The following GPC3 variants were observed in gnomAD, a reference collection of about 807,000 sequenced individuals.
The protein encoded by GPC3 is glypican 3.
A neutral mutation model predicts 34.4 loss-of-function variants in GPC3; 3 were observed. The observed-to-expected ratio is 0.09, with a 90% confidence interval of 0.04 to 0.23. GPC3 has a LOEUF of 0.23. GPC3 is among the 10% of genes least tolerant of loss of function. GPC3 has a pLI of 1.00. For synonymous variants in GPC3, 177 were observed against 174.0 expected, an observed-to-expected ratio of 1.02 and a Z score of -0.13; for missense variants, 351 against 445.6, an observed-to-expected ratio of 0.79 and a Z score of 1.91.
chrX:133,697,751 T>C (rs1603227770), intron 4 of GPC3, among the ~76,000 whole-genome samples: 1 of 112,613 alleles, frequency 8.9e-6, no homozygotes, highest in African/African-American at 3.2e-5. Context: ...GAATGACTTG[T>C]ACCAGATCCA....
chrX:133,923,245 G>C (rs1273758811), intron 2 of GPC3, among the ~76,000 whole-genome samples: 2 of 111,675 alleles, frequency 1.8e-5, no homozygotes, highest in African/African-American at 6.5e-5. Context: ...GTCAGGGAGA[G>C]GAGACAGGCT....
intron 2 of GPC3, among the ~76,000 whole-genome samples, chrX:133,768,587 T>G (rs2071876979): frequency 9.0e-6 from 1 of 111,368 alleles, no homozygotes; most frequent in Non-Finnish European, 1.9e-5. Flanking sequence ...GCAGCATTAT[T>G]CATAATAGCC....
intron 7 of GPC3, among the ~76,000 whole-genome samples, chrX:133,566,203 G>A: frequency 8.9e-6 from 1 of 111,910 alleles, no homozygotes; most frequent in Non-Finnish European, 1.9e-5. Context: ...AATGTGCACT[G>A]CTGGCCCATT....
intron 3 of GPC3, among the ~76,000 whole-genome samples, chrX:133,706,757 A>G (rs1272065420): frequency 1.3e-4 from 14 of 111,825 alleles, no homozygotes; most frequent in Non-Finnish European, 3.8e-5. Context: ...TGCTGGTGGG[A>G]GTGTAAATTA....
At chrX:133,647,481 A>C (rs2070556418) in intron 6 of GPC3, among the ~76,000 whole-genome samples, 1 of 112,769 alleles carries the variant, frequency 8.9e-6, no homozygotes, top group South Asian at 3.7e-4. Flanking sequence ...AGTAAAATGA[A>C]CAAGCGAGGT....
intron 6 of GPC3, among the ~76,000 whole-genome samples, chrX:133,636,450 T>C (rs2070426239): frequency 8.9e-6 from 1 of 112,430 alleles, no homozygotes; most frequent in Non-Finnish European, 1.9e-5. Context: ...GTGGATCACC[T>C]GAGGTCAGGA....
At chrX:133,604,856 G>T (rs2070029176) in intron 6 of GPC3, among the ~76,000 whole-genome samples, 1 of 111,706 alleles carries the variant, frequency 9.0e-6, no homozygotes, top group Non-Finnish European at 1.9e-5. Flanking sequence ...GTGCTTTGGG[G>T]TCCTGGCTTT....
intron 1 of GPC3, among the ~76,000 whole-genome samples, chrX:133,984,700 C>A (rs2076557716): frequency 9.1e-6 from 1 of 110,453 alleles, no homozygotes; most frequent in Admixed American, 9.6e-5. Context: ...ATTTTGGGGA[C>A]CCTCTTACTC....
chrX:133,785,160 C>G (rs1285180294), intron 2 of GPC3, among the ~76,000 whole-genome samples: 2 of 111,347 alleles, frequency 1.8e-5, no homozygotes, highest in Admixed American at 9.6e-5. Flanking sequence ...TGCTTGAGCA[C>G]AGACTTTTAC....
intron 2 of GPC3, among the ~76,000 whole-genome samples, chrX:133,909,891 C>G (rs182787784): frequency 1.8e-5 from 2 of 111,744 alleles, no homozygotes; most frequent in Non-Finnish European, 1.9e-5. Flanking sequence ...TACTCCTCTA[C>G]TCTAGAATCT....
intron 4 of GPC3, 144 bp from the exon 5 acceptor site, chrX:133,692,638 G>T: frequency 1.9e-6 from 1 of 515,122 alleles, no homozygotes; most frequent in African/African-American, 2.4e-5. Context: ...TTGGCTACAA[G>T]GCCACAGTTT....
chrX:133,577,116 G>A (rs987793205), intron 7 of GPC3, among the ~76,000 whole-genome samples: 1 of 111,815 alleles, frequency 8.9e-6, no homozygotes, highest in African/African-American at 3.3e-5. Flanking sequence ...TCAGGCCATG[G>A]GGCATGGACA....
At chrX:133,540,118 G>A (rs2069328638) in intron 7 of GPC3, among the ~76,000 whole-genome samples, 1 of 112,290 alleles carries the variant, frequency 8.9e-6, no homozygotes, top group East Asian at 2.8e-4. Flanking sequence ...AAAACACCTC[G>A]GGGATAGAAG....
intron 3 of GPC3, among the ~76,000 whole-genome samples, chrX:133,749,134 G>A (rs1016680727): frequency 2.7e-5 from 3 of 111,355 alleles, no homozygotes; most frequent in Admixed American, 9.5e-5. Context: ...TATGGCACGC[G>A]CCTGTAATCC....
chrX:133,899,509 C>T (rs1312818828), intron 2 of GPC3, among the ~76,000 whole-genome samples: 1 of 111,889 alleles, frequency 8.9e-6, no homozygotes, highest in Non-Finnish European at 1.9e-5. Flanking sequence ...CAAAGCGTCT[C>T]TTCCTCAAAC....
intron 6 of GPC3, among the ~76,000 whole-genome samples, chrX:133,641,488 C>T (rs994034041): frequency 4.6e-5 from 5 of 108,301 alleles, no homozygotes; most frequent in African/African-American, 1.7e-4. Context: ...AAAAAAAAAA[C>T]GTCAGGAAAG....
At chrX:133,744,943 A>G (rs1378658251) in intron 3 of GPC3, among the ~76,000 whole-genome samples, 3 of 110,560 alleles carry the variant, frequency 2.7e-5, no homozygotes, top group African/African-American at 9.9e-5. Context: ...GTTCTCATTC[A>G]TAAGTAGGAG....
At chrX:133,570,016 C>T (rs755547116) in intron 7 of GPC3, among the ~76,000 whole-genome samples, 10 of 108,924 alleles carry the variant, frequency 9.2e-5, no homozygotes, top group East Asian at 8.7e-4. Flanking sequence ...CTCAGCCTCC[C>T]GAGTAGCTGG....
At chrX:133,660,180 T>C (rs1715818969) in intron 6 of GPC3, among the ~76,000 whole-genome samples, 1 of 112,104 alleles carries the variant, frequency 8.9e-6, no homozygotes, top group Non-Finnish European at 1.9e-5. Context: ...CAGTGAAAAA[T>C]ATACTACTCT....
Sources: gnomAD v4.1 joint callset for allele counts (sites outside exome capture counted in the v4.1 genomes callset) on GRCh38, gnomAD v4.1.1 for gene constraint, MANE v1.5 for transcripts, NCBI Gene and HGNC (gene_info 2026-07-23, HGNC 2026-07-21) for gene names.